Variants in LAMB4 observed in about 807,000 individuals in gnomAD.
LAMB4 encodes the protein laminin subunit beta 4.
Under a neutral mutation model 199.2 loss-of-function variants are expected in LAMB4, and 196 were observed. The observed-to-expected ratio is 0.98, with a 90% CI of 0.88 to 1.11. The LOEUF (loss-of-function observed/expected upper bound fraction) is 1.11. Among genes scored for constraint, LAMB4 ranks in the 50% least tolerant of loss-of-function variants. The pLI is 0.00. For synonymous variants in LAMB4, 744 were observed against 770.6 expected (o/e 0.97, Z 0.57); for missense variants, 2,080 against 2,171.2 (o/e 0.96, Z 0.83).
At position 108,095,333 on chromosome 7, in the gene LAMB4, G is replaced by A. The variant is rs781087492; in HGVS notation, c.1365C>T (p.Cys455=). Residue 455 remains cysteine (C), a synonymous_variant, in exon 12 of 34, where the codon TGC becomes TGT. Transcript: ENST00000388781. The part of the protein sequence containing the change: ...SATDPLGCQP[C]DCNPLGSLPF... ...GCAGACTCCCAAGGGGGTTACAGTC[G>A]CAGGCTGAAAGCACAGCATACACAA... 9.9e-6 allele frequency: 16 copies of A among 1,609,818 alleles called. No homozygotes were observed. Among genetic ancestry groups the A allele is most frequent in the South Asian group, 2.2e-5 (2 of 90,944 alleles).
intron 30 of LAMB4, among the ~76,000 whole-genome samples, chr7:108,035,893 G>T: frequency 1.4e-5 from 2 of 146,310 alleles, no homozygotes; most frequent in African/African-American, 2.5e-5. Flanking sequence ...CGCTCTTGTT[G>T]CCCAGGCTAG....
intron 10 of LAMB4, among the ~76,000 whole-genome samples, chr7:108,099,985 C>G (rs1468573630): frequency 6.6e-6 from 1 of 152,110 alleles, no homozygotes; most frequent in South Asian, 2.1e-4. Flanking sequence ...CCAGTTGCTT[C>G]TAGAAAGAAG....
intron 2 of LAMB4, among the ~76,000 whole-genome samples, chr7:108,122,593 G>C (rs2038639436): frequency 6.6e-6 from 1 of 152,216 alleles, no homozygotes; most frequent in Non-Finnish European, 1.5e-5. Flanking sequence ...TTAGTAATCA[G>C]TAACCAAAAG....
chr7:108,085,699 T>C (rs1295959926), intron 14 of LAMB4, among the ~76,000 whole-genome samples: 2 of 152,078 alleles, frequency 1.3e-5, no homozygotes, highest in Admixed American at 1.3e-4. Context: ...CTGCAAGCTC[T>C]GCCTCCCGGG....
At chr7:108,028,193 T>C (rs1388198381) in intron 33 of LAMB4, among the ~76,000 whole-genome samples, 2 of 152,340 alleles carry the variant, frequency 1.3e-5, no homozygotes, top group Non-Finnish European at 2.9e-5. Context: ...ATATGCTAGA[T>C]GACCTAGTGC....
intron 26 of LAMB4, among the ~76,000 whole-genome samples, chr7:108,050,279 T>C (rs955944978): frequency 5.9e-5 from 9 of 152,202 alleles, no homozygotes; most frequent in African/African-American, 2.2e-4. Flanking sequence ...ATACTTCCCA[T>C]CAATTTTCTT....
At chr7:108,051,577 G>T (rs186553925) in intron 26 of LAMB4, among the ~76,000 whole-genome samples, 38 of 152,210 alleles carry the variant, frequency 2.5e-4, no homozygotes, top group Middle Eastern at 6.8e-3. Context: ...CTTGGCTTAG[G>T]CATAGCTCAC....
At chr7:108,061,338 T>C (rs2036152100) in intron 23 of LAMB4, among the ~76,000 whole-genome samples, 1 of 152,242 alleles carries the variant, frequency 6.6e-6, no homozygotes, top group Non-Finnish European at 1.5e-5. Context: ...ATTAAATTAA[T>C]ATAAGGTGTT....
At chr7:108,071,670 T>C (rs1408296059) in intron 17 of LAMB4, among the ~76,000 whole-genome samples, 1 of 152,150 alleles carries the variant, frequency 6.6e-6, no homozygotes, top group Non-Finnish European at 1.5e-5. Flanking sequence ...CCCACACACA[T>C]CAAATCACAA....
rs773212494 is a variant in LAMB4 at position 108,103,111 on chromosome 7, G to A, written c.1113C>T (p.Cys371=). Residue 371 remains cysteine (C), a synonymous_variant, in exon 10 of 34, where the codon TGC becomes TGT. Coordinates refer to ENST00000388781, the MANE Select transcript of LAMB4 (RefSeq NM_007356.3). The part of the protein sequence containing the change: ...DCQHNTEGQH[C]DRCRPLFYRD... ...TGTAGAAGAGGGGTCTGCAGCGGTCGCAGTGCTGCCCCTCAGTGTTGTGCT... is the reference window on the plus strand; with the variant it reads ...TGTAGAAGAGGGGTCTGCAGCGGTCACAGTGCTGCCCCTCAGTGTTGTGCT... 1.8e-5 allele frequency: 29 copies of A among 1,613,404 alleles called. No homozygotes were observed. Among genetic ancestry groups the A allele is most frequent in the Admixed American group, 6.7e-5 (4 of 59,986 alleles).
chr7:108,056,414 G>T (rs2035987757), intron 24 of LAMB4, among the ~76,000 whole-genome samples: 1 of 152,172 alleles, frequency 6.6e-6, no homozygotes, highest in Admixed American at 6.5e-5. Flanking sequence ...TCTGAGTAAA[G>T]CCCAGCTTGG....
chr7:108,128,134 G>A (rs1371451149), intron 1 of LAMB4, among the ~76,000 whole-genome samples: 3 of 152,112 alleles, frequency 2.0e-5, no homozygotes. Context: ...GGTTGTTAGA[G>A]GGAGGGTGCT....
At position 108,116,014 on chromosome 7, in the gene LAMB4, C is replaced by A. The variant is rs1220861581; in HGVS notation, c.182G>T (p.Ser61Ile). Reference protein sequence around the residue: ...LSRAQKYCILSYLEGEQKCFI... With the variant: ...LSRAQKYCILIYLEGEQKCFI... ...AAAGAGCCAACCCACCTCCAGGTAA[C>A]TGAGGATGCAGTATTTCTGGGCTCT... is the stretch of plus-strand genomic sequence containing the variant. Residue 61 changes from serine (S) to isoleucine (I), a missense_variant, in exon 3 of 34, where the codon AGT (serine) becomes ATT (isoleucine). Coordinates refer to ENST00000388781, the MANE Select transcript of LAMB4 (RefSeq NM_007356.3). 6.2e-7 allele frequency: 1 copy of A among 1,611,620 alleles called. No individual in the cohort carries two copies. Among genetic ancestry groups the A allele is most frequent in the African/African-American group, 1.3e-5 (1 of 74,960 alleles).
chr7:108,090,251 A>C (rs976920752), intron 14 of LAMB4, among the ~76,000 whole-genome samples: 23 of 152,370 alleles, frequency 1.5e-4, no homozygotes, highest in African/African-American at 5.0e-4. Context: ...ATTAAATGTT[A>C]ACCAACTTAA....
At chr7:108,056,335 G>A (rs1409216908) in intron 24 of LAMB4, among the ~76,000 whole-genome samples, 1 of 152,174 alleles carries the variant, frequency 6.6e-6, no homozygotes, top group Non-Finnish European at 1.5e-5. Flanking sequence ...TAGTAACTCT[G>A]CTGTTACAGC....
chr7:108,062,848 T>G lies in LAMB4; in HGVS notation c.3208A>C (p.Asn1070His). 6.3e-7 allele frequency: 1 copy of G among 1,576,160 alleles called. No individual in the cohort carries two copies. The highest frequency in any genetic ancestry group is 8.6e-7 in the Non-Finnish European group (1 of 1,162,970). ...ACDRCADGYW[N>H]LVPGRGCQSC... ...TGACATCCTCTGCCAGGGACCAGAT[T>G]CCAGTATCCATCAGCACAACGGTCA... The change falls in exon 23 of 34, where the codon AAT (asparagine) becomes CAT (histidine). Residue 1070 changes from asparagine (N) to histidine (H), a missense_variant. Physicochemically the swap from Asn to His is moderately conservative, Grantham distance 68. Transcript: ENST00000388781.
intron 14 of LAMB4, among the ~76,000 whole-genome samples, chr7:108,090,038 A>G (rs2037339033): frequency 6.6e-6 from 1 of 152,166 alleles, no homozygotes; most frequent in Admixed American, 6.5e-5. Flanking sequence ...TACTAGATGT[A>G]TGACTTTGAG....
At chr7:108,072,373 T>C (rs1442642111) in intron 17 of LAMB4, among the ~76,000 whole-genome samples, 1 of 152,212 alleles carries the variant, frequency 6.6e-6, no homozygotes, top group Non-Finnish European at 1.5e-5. Context: ...TATTTATCCA[T>C]ACTTTCCTTT....
At chr7:108,037,679 G>A (rs917760357) in intron 29 of LAMB4, 84 bp from the exon 30 acceptor site, 2 of 1,010,560 alleles carry the variant, frequency 2.0e-6, no homozygotes, top group African/African-American at 1.6e-5. Flanking sequence ...TGATGTCTCA[G>A]CCAAATGCAC....
Sources: gnomAD v4.1 joint callset for allele counts (sites outside exome capture counted in the v4.1 genomes callset) on GRCh38, gnomAD v4.1.1 for gene constraint, MANE v1.5 for transcripts, NCBI Gene and HGNC (gene_info 2026-07-23, HGNC 2026-07-21) for gene names.